Variants in FMN2 observed in about 807,000 individuals in gnomAD.
FMN2 encodes the protein formin-2.
In FMN2, 51 loss-of-function variants were observed where a neutral mutation model predicts 142.3. The ratio of observed to expected loss-of-function variants is 0.36; its 90% CI spans 0.29 to 0.45. The LOEUF (loss-of-function observed/expected upper bound fraction) is 0.45, where lower values mean the gene tolerates loss of function less well. FMN2 is among the 20% of genes least tolerant of loss of function. The probability of loss-of-function intolerance (pLI) is 1.00; values close to 1 mark genes in which losing one functional copy is unlikely to be tolerated. For synonymous variants in FMN2, 882 were observed against 869.8 expected (o/e 1.01, Z -0.25); for missense variants, 1,936 against 2,122.8 (o/e 0.91, Z 1.73).
rs1432479904 is a variant in FMN2, at chr1:240,092,566, A to G, written c.457A>G (p.Arg153Gly). ...AGGGGGTCCTGGGCCTGCCGAGGCT[A>G]GGGTCGGGGGCCGGCCGATCGCCGA... Reference protein sequence around the residue: ...GPGGPGPAEARVGGRPIAEDV... With the variant: ...GPGGPGPAEAGVGGRPIAEDV... Residue 153 changes from arginine (R) to glycine (G), a missense_variant, in exon 1 of 18, where the codon AGG (arginine) becomes GGG (glycine). Coordinates refer to ENST00000319653, the MANE Select transcript of FMN2 (RefSeq NM_020066.5). 1.2e-6 allele frequency: 2 copies of G among 1,613,036 alleles called. No individual in the cohort carries two copies. Among genetic ancestry groups the G allele is most frequent in the African/African-American group, 2.7e-5 (2 of 74,804 alleles).
chr1:240,296,128 G>A lies in FMN2; in HGVS notation c.4215+1245G>A, dbSNP rs77003687. ...AGCTGGGGTTTAGTTCATTCTGCCT[G>A]TTTCTCTATACTGCTACAGTTTATT... On this transcript the variant is annotated intron_variant, in intron 8 of 17. Transcript: ENST00000319653. Among the ~76,000 whole-genome samples the A allele has an allele frequency of 3.8e-3, 568 of 150,844 alleles. 3 individuals carry two copies. Among genetic ancestry groups the A allele is most frequent in the African/African-American group, 0.013 (540 of 41,032 alleles).
intron 13 of FMN2, among the ~76,000 whole-genome samples, chr1:240,350,879 G>A (rs1224041563): frequency 1.3e-5 from 2 of 152,176 alleles, no homozygotes; most frequent in Non-Finnish European, 2.9e-5. Context: ...ATGGGGAAGG[G>A]TTGGAGAAAT....
chr1:240,144,639 C>G lies in FMN2; in HGVS notation c.1782+21294C>G, dbSNP rs1442463121. ...ACACCCAGGGCACAACGCAGTAGGA[C>G]TGAGTTCTCAGGCTCAGACACATAA... On this transcript the variant is annotated intron_variant, in intron 2 of 17. Coordinates refer to ENST00000319653, the MANE Select transcript of FMN2 (RefSeq NM_020066.5). 1.2e-4 allele frequency: 154 copies of G among 1,292,822 alleles called. No homozygotes were observed. The East Asian group carries it at 3.5e-3, about 29-fold the overall frequency. The allele number at this position is 1,292,822 out of a possible 1,614,324, so 80.1% of individuals were successfully genotyped here. A position where few individuals can be genotyped will look rare whatever the true frequency, so the allele number is the denominator to read the frequency against.
intron 2 of FMN2, among the ~76,000 whole-genome samples, chr1:240,138,650 T>C (rs1228466206): frequency 6.6e-6 from 1 of 152,056 alleles, no homozygotes; most frequent in Non-Finnish European, 1.5e-5. Flanking sequence ...GCGGTTGCAG[T>C]GAGCCAAGAT....
intron 4 of FMN2, among the ~76,000 whole-genome samples, chr1:240,205,708 G>T (rs1362934873): frequency 6.6e-6 from 1 of 151,568 alleles, no homozygotes; most frequent in African/African-American, 2.4e-5. Context: ...TGATCCACCC[G>T]CCTCGGCCTC....
chr1:240,345,138 G>A (rs1171674353), intron 13 of FMN2, among the ~76,000 whole-genome samples: 2 of 152,124 alleles, frequency 1.3e-5, no homozygotes, highest in South Asian at 2.1e-4. Context: ...AATATACTTA[G>A]CTAAAATAAT....
At chr1:240,460,148 A>G (rs1324956705) in intron 16 of FMN2, among the ~76,000 whole-genome samples, 1 of 152,198 alleles carries the variant, frequency 6.6e-6, no homozygotes, top group Non-Finnish European at 1.5e-5. Context: ...CTGTGTTTCC[A>G]CGACTACTTT....
At chr1:240,285,142 A>G in intron 7 of FMN2, 1 of 441,020 alleles carries the variant, frequency 2.3e-6, no homozygotes, top group Non-Finnish European at 4.6e-6. Flanking sequence ...GGGTGTTGCA[A>G]GAATTGCAGG....
At chr1:240,240,535 C>G (rs953158183) in intron 6 of FMN2, among the ~76,000 whole-genome samples, 1 of 152,024 alleles carries the variant, frequency 6.6e-6, no homozygotes, top group Non-Finnish European at 1.5e-5. Flanking sequence ...ATTGAGGTAA[C>G]GAAGTACAAA....
rs1664988327 is a variant in FMN2 at position 240,177,921 on chromosome 1, C to A, written c.1783C>A (p.Gln595Lys). The A allele has an allele frequency of 1.3e-6, 2 of 1,550,406 alleles. No individual in the cohort carries two copies. The highest frequency in any genetic ancestry group is 1.3e-5 in the South Asian group (1 of 79,332). Residue 595 changes from glutamine (Q) to lysine (K), a missense_variant and splice_region_variant, in exon 3 of 18, where the codon CAA becomes AAA. Transcript: ENST00000319653. Reference sequence around the variant, plus strand: ...CAACATTTTTTATTTTTAAATATAGCAAGATCAACTTTATACCTGGGCTGC... The same window carrying A: ...CAACATTTTTTATTTTTAAATATAGAAAGATCAACTTTATACCTGGGCTGC... ...NAQTNAASFD[Q>K]DQLYTWAAVS... is the part of the protein sequence containing the mutation.
intron 7 of FMN2, among the ~76,000 whole-genome samples, chr1:240,285,774 T>C (rs1314456983): frequency 6.6e-6 from 1 of 152,166 alleles, no homozygotes; most frequent in Non-Finnish European, 1.5e-5. Context: ...CACTGGTGAC[T>C]CAGTAATCAG....
rs759765273 is a variant in FMN2 at position 240,207,618 on chromosome 1, C to G, written c.2806C>G (p.Pro936Ala). ...CGGAGCAGGCATACTCCCTCTGCCC[C>G]CTCTACCCGGAGCGGGAATACCTCC... ...LPGAGILPLP[P>A]LPGAGIPPPP... The change falls in exon 5 of 18, where the codon CCT becomes GCT. Residue 936 changes from proline to alanine, a missense_variant. Coordinates refer to ENST00000319653, the MANE Select transcript of FMN2 (RefSeq NM_020066.5). The G allele has an allele frequency of 1.4e-5, 17 of 1,177,054 alleles. No individual in the cohort carries two copies. Among genetic ancestry groups the G allele is most frequent in the Non-Finnish European group, 1.7e-5 (15 of 900,202 alleles). The allele number at this position is 1,177,054 out of a possible 1,614,324, so 72.9% of individuals were successfully genotyped here.
intron 7 of FMN2, among the ~76,000 whole-genome samples, chr1:240,270,116 G>T (rs1488537186): frequency 6.6e-6 from 1 of 152,022 alleles, no homozygotes; most frequent in Non-Finnish European, 1.5e-5. Context: ...TCTGATCTTA[G>T]AAGAAAAGCT....
At chr1:240,265,456 G>C (rs1056151597) in intron 7 of FMN2, among the ~76,000 whole-genome samples, 1 of 152,124 alleles carries the variant, frequency 6.6e-6, no homozygotes, top group African/African-American at 2.4e-5. Flanking sequence ...CACCAAGCTA[G>C]TTTGTAGTGT....
chr1:240,277,320 A>G (rs952200731), intron 7 of FMN2, among the ~76,000 whole-genome samples: 2 of 151,934 alleles, frequency 1.3e-5, no homozygotes, highest in African/African-American at 4.8e-5. Flanking sequence ...TAATTCTTAG[A>G]ATTTTTTATT....
chr1:240,217,388 G>C lies in FMN2; in HGVS notation c.4065+6153G>C, dbSNP rs1666945778. 2.0e-5 allele frequency among the ~76,000 whole-genome samples: 3 copies of C among 152,136 alleles called. No homozygotes were observed. In the South Asian group the frequency reaches 6.2e-4, roughly 31 times the overall value. ...TAGTTGGCAAGGGTGTGTTTTGGTT[G>C]ATTTGGACAGTTATATTTGTCTTTT... On this transcript the variant is annotated intron_variant, in intron 6 of 17. Transcript: ENST00000319653.
At chr1:240,383,382 T>C (rs1673295039) in intron 14 of FMN2, among the ~76,000 whole-genome samples, 1 of 152,008 alleles carries the variant, frequency 6.6e-6, no homozygotes, top group Non-Finnish European at 1.5e-5. Context: ...AGAATTAGTA[T>C]CAAGAATCCA....
intron 4 of FMN2, among the ~76,000 whole-genome samples, chr1:240,205,226 A>G (rs142808012): frequency 1.3e-5 from 2 of 152,100 alleles, no homozygotes; most frequent in Non-Finnish European, 2.9e-5. Context: ...ATAGTTCTCA[A>G]CACAAGAAGT....
intron 1 of FMN2, among the ~76,000 whole-genome samples, chr1:240,100,550 T>C (rs1212762428): frequency 6.6e-6 from 1 of 152,226 alleles, no homozygotes; most frequent in Non-Finnish European, 1.5e-5. Flanking sequence ...ATCAAAATTC[T>C]AAGAATGAGT....
Sources: allele counts gnomAD v4.1 joint callset (sites outside exome capture counted in the v4.1 genomes callset), GRCh38; gene constraint gnomAD v4.1.1; transcripts MANE v1.5; gene names NCBI Gene and HGNC (gene_info 2026-07-23, HGNC 2026-07-21).